The following ADGRF3 variants were observed in gnomAD, a reference collection of about 807,000 sequenced individuals.
ADGRF3 encodes the protein G protein-coupled receptor 113.
A neutral mutation model predicts 93.2 loss-of-function variants in ADGRF3; 85 were observed. That is an observed-to-expected ratio of 0.91 (90% CI 0.77 to 1.09). The LOEUF (loss-of-function observed/expected upper bound fraction) is 1.09, where lower values mean the gene tolerates loss of function less well. Ranked by LOEUF, ADGRF3 falls within the 50% of genes least tolerant of loss-of-function variation. The probability of loss-of-function intolerance (pLI) is 0.00; values close to 1 mark genes in which losing one functional copy is unlikely to be tolerated. For synonymous variants in ADGRF3, 534 were observed against 532.5 expected, an observed-to-expected ratio of 1.00 and a Z score of -0.04; for missense variants, 1,125 against 1,246.2, an observed-to-expected ratio of 0.90 and a Z score of 1.46.
rs575915530 is a variant in ADGRF3 at position 26,316,890 on chromosome 2, C to G, written c.325+22G>C. ...GAGCCTATGTTCATTCACTCTCAGCCCCCTTCCCACGCAAGTGGTACCTGT... is the reference window on the plus strand; with the variant it reads ...GAGCCTATGTTCATTCACTCTCAGCGCCCTTCCCACGCAAGTGGTACCTGT... On this transcript the variant is annotated intron_variant, in intron 3 of 13. Coordinates refer to ENST00000651242, the MANE Select transcript of ADGRF3 (RefSeq NM_001321971.2). The G allele has an allele frequency of 1.9e-5, 30 of 1,588,474 alleles. No individual in the cohort carries two copies. In the African/African-American group the frequency reaches 3.4e-4, roughly 18 times the overall value.
At chr2:26,339,983 T>C (rs1676279074) in intron 1 of ADGRF3, among the ~76,000 whole-genome samples, 1 of 152,228 alleles carries the variant, frequency 6.6e-6, no homozygotes, top group African/African-American at 2.4e-5. Context: ...AAACGATTCC[T>C]TTGGATAGAA....
At chr2:26,316,574 G>T (rs1674696087) in intron 3 of ADGRF3, 126 bp from the exon 4 acceptor site, 8 of 985,564 alleles carry the variant, frequency 8.1e-6, no homozygotes, top group East Asian at 5.3e-5. Flanking sequence ...CAAGCTACAG[G>T]TGCCTCAGTC....
intron 1 of ADGRF3, among the ~76,000 whole-genome samples, chr2:26,337,291 T>C (rs1676109775): frequency 6.6e-6 from 1 of 152,234 alleles, no homozygotes. Context: ...CATTGTGTGG[T>C]ATTTTACCTA....
intron 1 of ADGRF3, among the ~76,000 whole-genome samples, chr2:26,333,099 C>A (rs900580355): frequency 8.5e-5 from 13 of 152,140 alleles, no homozygotes; most frequent in African/African-American, 3.1e-4. Context: ...TTCCCTAAAT[C>A]TTCCACCTCC....
In ADGRF3 at chr2:26,309,020, G is replaced by A; in HGVS notation, c.*66C>T. The A allele has an allele frequency of 6.2e-7, 1 of 1,611,094 alleles. No homozygotes were observed. Among genetic ancestry groups the A allele is most frequent in the Non-Finnish European group, 8.5e-7 (1 of 1,177,406 alleles). Reference sequence around the variant, plus strand: ...GGAAGAGTTCAGAGCATTGGGCCAGGGCTCATCTGGTGGGTTCAAGCACAC... The same window carrying A: ...GGAAGAGTTCAGAGCATTGGGCCAGAGCTCATCTGGTGGGTTCAAGCACAC... On this transcript the variant is annotated 3_prime_UTR_variant, in exon 14 of 14. Coordinates refer to ENST00000651242, the MANE Select transcript of ADGRF3 (RefSeq NM_001321971.2).
rs1674382417 is a variant in ADGRF3, at chr2:26,313,545, G to A, written c.1101C>T (p.Ala367=). 6.2e-7 allele frequency: 1 copy of A among 1,608,818 alleles called. No homozygotes were observed. Among genetic ancestry groups the A allele is most frequent in the African/African-American group, 1.3e-5 (1 of 74,902 alleles). ...QDGDITCPED[A]SVLTWNVTKA... The stretch of plus-strand genomic sequence containing the variant: ...TGGTGACATTCCAGGTGAGCACCGA[G>A]GCGTCCTCAGGGCAGGTGATGTCTC... The change falls in exon 8 of 14, where the codon GCC becomes GCT. Residue 367 remains alanine (A), a synonymous_variant. Coordinates refer to ENST00000651242, the MANE Select transcript of ADGRF3 (RefSeq NM_001321971.2).
rs867982760 is a variant in ADGRF3 at position 26,308,483 on chromosome 2, C to T, written c.*603G>A. 6.6e-6 allele frequency: 1 copy of T among 152,076 alleles called. No homozygotes were observed. The highest frequency in any genetic ancestry group is 1.5e-5 in the Non-Finnish European group (1 of 68,020). 9.4% of individuals were successfully genotyped at this position (152,076 alleles called of 1,614,324 possible). A position where few individuals can be genotyped will look rare whatever the true frequency, so the allele number is the denominator to read the frequency against. Reference sequence around the variant, plus strand: ...TTATAACCTATTCTTACAACGTGCTCATATCAATCAATGCCTCTATACATG... The same window carrying T: ...TTATAACCTATTCTTACAACGTGCTTATATCAATCAATGCCTCTATACATG... On this transcript the variant is annotated 3_prime_UTR_variant, in exon 14 of 14. Coordinates refer to ENST00000651242, the MANE Select transcript of ADGRF3 (RefSeq NM_001321971.2).
At chr2:26,345,816 T>C (rs1186455396) in intron 1 of ADGRF3, 7 of 395,148 alleles carry the variant, frequency 1.8e-5, no homozygotes, top group Non-Finnish European at 2.8e-5. Context: ...AATCCCACCT[T>C]CCCCCGGGAC....
Position 26,319,078 on chromosome 2 carries a change from ACGATG to A in ADGRF3, c.115-1521_115-1517del, listed in dbSNP as rs1385323400. On this transcript the variant is annotated intron_variant, in intron 1 of 13. Transcript: ENST00000651242. ...TCAGTGAAGCAGTCCCTACAAGCCCACGATGCAAATTTCCGCAAGGAAGAGCTGGC... is the reference window on the plus strand; with the variant it reads ...TCAGTGAAGCAGTCCCTACAAGCCCACAAATTTCCGCAAGGAAGAGCTGGC... 2.0e-6 allele frequency: 3 copies of A among 1,533,090 alleles called. No individual in the cohort carries two copies. In the African/African-American group the frequency reaches 4.1e-5, roughly 21 times the overall value. The allele number at this position is 1,533,090 out of a possible 1,614,324, so 95.0% of individuals were successfully genotyped here. A position where few individuals can be genotyped will look rare whatever the true frequency, so the allele number is the denominator to read the frequency against.
chr2:26,310,145 C>T (rs776167166), intron 11 of ADGRF3, 40 bp from the exon 12 acceptor site: 3 of 1,613,978 alleles, frequency 1.9e-6, no homozygotes, highest in South Asian at 2.2e-5. Context: ...CCAGCCACGG[C>T]CCCGGCCTGC....
chr2:26,310,227 A>T lies in ADGRF3; in HGVS notation c.2843T>A (p.Ile948Asn). ...TILNTLQGVF[I>N]LLFGCLMDRK... Reference sequence around the variant, plus strand: ...GTCCATGAGGCAACCAAACAATAGGATGAAGACGCCCTGAGAAGAGGGACA... The same window carrying T: ...GTCCATGAGGCAACCAAACAATAGGTTGAAGACGCCCTGAGAAGAGGGACA... Residue 948 changes from isoleucine to asparagine, a missense_variant, in exon 11 of 14, where the codon ATC becomes AAC. Ile to Asn is a moderately radical substitution (Grantham distance 149). Transcript: ENST00000651242. 6.2e-7 allele frequency: 1 copy of T among 1,614,018 alleles called. No homozygotes were observed. The highest frequency in any genetic ancestry group is 8.5e-7 in the Non-Finnish European group (1 of 1,179,890).
intron 9 of ADGRF3, 53 bp downstream of exon 9, chr2:26,312,890 G>A (rs1186254055): frequency 1.3e-6 from 2 of 1,508,578 alleles, no homozygotes; most frequent in Non-Finnish European, 1.8e-6. Context: ...CAGGTGGGGA[G>A]TCTTCAGCCC....
At position 26,309,218 on chromosome 2, in the gene ADGRF3, C is replaced by T; in HGVS notation, c.2994-111G>A. On this transcript the variant is annotated intron_variant, in intron 13 of 13. Transcript: ENST00000651242. The stretch of plus-strand genomic sequence containing the variant: ...GGCAATCCCTTCAAGGCGTGACTCT[C>T]ATGATAATTAAATGTGTGATAATGT... 4 of 1,611,506 alleles carry T rather than the reference C, an allele frequency of 2.5e-6. No homozygotes were observed. The South Asian group carries it at 3.3e-5, about 13-fold the overall frequency.
In ADGRF3 at chr2:26,313,285, G is replaced by T. The variant is rs539815287; in HGVS notation, c.1269+92C>A. 30 of 1,427,894 alleles carry T rather than the reference G, an allele frequency of 2.1e-5. No homozygotes were observed. The Admixed American group carries it at 6.7e-4, about 32-fold the overall frequency. 88.5% of individuals were successfully genotyped at this position (1,427,894 alleles called of 1,614,324 possible). A position where few individuals can be genotyped will look rare whatever the true frequency, so the allele number is the denominator to read the frequency against. On this transcript the variant is annotated intron_variant, in intron 8 of 13. Coordinates refer to ENST00000651242, the MANE Select transcript of ADGRF3 (RefSeq NM_001321971.2). ...AGAGAAGCTGAACAGCCTGTGGGCT[G>T]GGCCTTGGGGAAAAGGGTCTGCAAG...
intron 1 of ADGRF3, among the ~76,000 whole-genome samples, chr2:26,322,915 C>T (rs1371176505): frequency 6.6e-6 from 1 of 152,188 alleles, no homozygotes; most frequent in African/African-American, 2.4e-5. Context: ...GCAGGTGGAT[C>T]ACCTGAGGTC....
intron 1 of ADGRF3, among the ~76,000 whole-genome samples, chr2:26,339,375 A>T (rs1676243366): frequency 6.6e-6 from 1 of 151,634 alleles, no homozygotes; most frequent in Admixed American, 6.6e-5. Context: ...GCGCATCTGT[A>T]ATCCCAGCTA....
chr2:26,317,979 C>G, intron 1 of ADGRF3: 1 of 1,477,168 alleles, frequency 6.8e-7, no homozygotes, highest in African/African-American at 1.4e-5. Context: ...CCTCTTTCCT[C>G]CGTCTTTGGT....
chr2:26,313,456 C>A lies in ADGRF3; in HGVS notation c.1190G>T (p.Cys397Phe). The A allele has an allele frequency of 1.2e-6, 2 of 1,611,024 alleles. No individual in the cohort carries two copies. The highest frequency in any genetic ancestry group is 1.7e-6 in the Non-Finnish European group (2 of 1,178,720). Residue 397 changes from cysteine to phenylalanine, a missense_variant, in exon 8 of 14, where the codon TGT becomes TTT. Transcript: ENST00000651242. ...ESKRGIVRRL[C>F]GADGVWGPVH... is the part of the protein sequence containing the mutation. Reference sequence around the variant, plus strand: ...CGGCCCCCAGACTCCGTCAGCCCCACAGAGCCTCCTCACTATGCCCCTCTT... The same window carrying A: ...CGGCCCCCAGACTCCGTCAGCCCCAAAGAGCCTCCTCACTATGCCCCTCTT...
intron 4 of ADGRF3, 105 bp from the exon 5 acceptor site, chr2:26,315,845 C>A: frequency 6.8e-7 from 1 of 1,472,950 alleles, no homozygotes; most frequent in Non-Finnish European, 9.1e-7. Context: ...TTCCTCCACA[C>A]TCCCTCCCTA....
Sources: allele counts gnomAD v4.1 joint callset (sites outside exome capture counted in the v4.1 genomes callset), GRCh38; gene constraint gnomAD v4.1.1; transcripts MANE v1.5; gene names NCBI Gene and HGNC (gene_info 2026-07-23, HGNC 2026-07-21).